The following DMD variants were observed in gnomAD, a reference collection of about 807,000 sequenced individuals.
DMD encodes dystrophin, also known as mutant dystrophin.
DMD carries 63 observed loss-of-function variants against 330.1 expected under a neutral mutation model. The ratio of observed to expected loss-of-function variants is 0.19; its 90% CI spans 0.16 to 0.24. DMD has a LOEUF of 0.24. Among genes scored for constraint, DMD ranks in the 10% least tolerant of loss-of-function variants. The probability of loss-of-function intolerance (pLI) is 1.00; values close to 1 mark genes in which losing one functional copy is unlikely to be tolerated. For missense variants in DMD, 3,344 were observed against 2,684.1 expected (o/e 1.25, Z -5.43); for synonymous variants, 1,223 against 959.8 (o/e 1.27, Z -5.07).
chrX:32,740,416 G>A (rs181260078), intron 7 of DMD, among the ~76,000 whole-genome samples: 11 of 110,271 alleles, frequency 1.0e-4, no homozygotes, highest in Admixed American at 8.8e-4. Context: ...CTATGGAAGA[G>A]GAAAACATGG....
intron 49 of DMD, 147 bp downstream of exon 49, chrX:31,836,571 G>C: frequency 1.9e-6 from 1 of 519,943 alleles, no homozygotes; most frequent in Non-Finnish European, 3.4e-6. Context: ...CAAAAAGACA[G>C]CTTTGCCTCT....
At chrX:31,530,647 C>CTTTTTTTTTTTTTTTTTTTTTTTTTTT (rs1192286078) in intron 55 of DMD, among the ~76,000 whole-genome samples, 9 of 49,843 alleles carry the variant, frequency 1.8e-4, no homozygotes, top group South Asian at 1.5e-3. Context: ...ACTGGTTTCT[C>CTTTTTTTTTTTTTTTTTTTTTTTTTTT]TTTTTTTTTT....
intron 1 of DMD, among the ~76,000 whole-genome samples, chrX:33,234,308 G>A (rs1355112537): frequency 9.0e-6 from 1 of 111,472 alleles, no homozygotes; most frequent in Non-Finnish European, 1.9e-5. Context: ...AGCATGCAAC[G>A]GTTAGGATCA....
At chrX:31,515,695 C>T (rs1392285915) in intron 55 of DMD, among the ~76,000 whole-genome samples, 3 of 111,932 alleles carry the variant, frequency 2.7e-5, no homozygotes, top group Non-Finnish European at 5.6e-5. Flanking sequence ...CATGGGCATG[C>T]ATAATTGACC....
chrX:33,020,255 T>C (rs1419133330), intron 1 of DMD, 55 bp from the exon 2 acceptor site: 1 of 867,187 alleles, frequency 1.2e-6, no homozygotes, highest in African/African-American at 2.0e-5. Context: ...ATATAATTCA[T>C]ATTTTACAAC....
intron 62 of DMD, among the ~76,000 whole-genome samples, chrX:31,305,113 T>G (rs2054929224): frequency 8.9e-6 from 1 of 111,947 alleles, no homozygotes; most frequent in African/African-American, 3.2e-5. Context: ...TTTAAAAAAT[T>G]ATTTATTTCA....
At position 32,491,319 on chromosome X, in the gene DMD, T is replaced by A; in HGVS notation, c.2580A>T (p.Pro860=). The part of the protein sequence containing the change: ...ENWLKIQPTT[P]SEPTAIKSQL... ...GACTTTTAATTGCTGTTGGCTCTGATGGGGTGGTGGGTTGGATTTTCAACC... is the reference window on the plus strand; with the variant it reads ...GACTTTTAATTGCTGTTGGCTCTGAAGGGGTGGTGGGTTGGATTTTCAACC... Residue 860 remains proline (P), a synonymous_variant, in exon 20 of 79, where the codon CCA becomes CCT. Coordinates refer to ENST00000357033, the MANE Select transcript of DMD (RefSeq NM_004006.3). The A allele has an allele frequency of 3.3e-6, 4 of 1,211,482 alleles. No homozygotes were observed. The highest frequency in any genetic ancestry group is 4.5e-6 in the Non-Finnish European group (4 of 895,211).
At chrX:33,108,881 A>AAAAAAAAAAAAAAAAAAAAAG (rs1201118214) in intron 1 of DMD, among the ~76,000 whole-genome samples, 6 of 99,653 alleles carry the variant, frequency 6.0e-5, no homozygotes, top group Non-Finnish European at 1.2e-4. Flanking sequence ...AAAAAAAAAA[A>AAAAAAAAAAAAAAAAAAAAAG]AAGAAGAAGA....
intron 44 of DMD, among the ~76,000 whole-genome samples, chrX:31,994,118 C>T (rs2095568379): frequency 9.0e-6 from 1 of 111,613 alleles, no homozygotes; most frequent in African/African-American, 3.3e-5. Flanking sequence ...ACACCCAAAA[C>T]GCCAACTGTT....
At chrX:32,833,333 A>G (rs2079309679) in intron 4 of DMD, among the ~76,000 whole-genome samples, 1 of 111,071 alleles carries the variant, frequency 9.0e-6, no homozygotes, top group Non-Finnish European at 1.9e-5. Flanking sequence ...TGAACATTTA[A>G]TGGCATGAAA....
intron 47 of DMD, among the ~76,000 whole-genome samples, chrX:31,899,317 C>T (rs2094390745): frequency 1.0e-5 from 1 of 99,609 alleles, no homozygotes; most frequent in Admixed American, 1.2e-4. Flanking sequence ...AACTGACGAT[C>T]TAGTCTTTTG....
intron 1 of DMD, among the ~76,000 whole-genome samples, chrX:33,243,674 T>C (rs1339722352): frequency 1.8e-5 from 2 of 112,253 alleles, no homozygotes; most frequent in Non-Finnish European, 3.8e-5. Flanking sequence ...GAAAATGTGG[T>C]ATATATACAC....
Position 31,822,655 on chromosome X carries a change from T to TGTGTGTGTGTGTGG in DMD, c.7201-2573_7201-2572insCCACACACACACAC, listed in dbSNP as rs2092795251. Among the ~76,000 whole-genome samples, 6 of 60,730 alleles carry TGTGTGTGTGTGTGG rather than the reference T, an allele frequency of 9.9e-5. No homozygotes were observed. The South Asian group carries it at 2.1e-3, about 21-fold the overall frequency. 52.7% of individuals were successfully genotyped at this position (60,730 alleles called of 115,157 possible). A position where few individuals can be genotyped will look rare whatever the true frequency, so the allele number is the denominator to read the frequency against. ...GGCCATACAGAAAAAGGCAGAGGGG[T>TGTGTGTGTGTGTGG]GTGTGTGTGTGTGTGTGTGTGTGTG... On this transcript the variant is annotated intron_variant, in intron 49 of 78. Coordinates refer to ENST00000357033, the MANE Select transcript of DMD (RefSeq NM_004006.3).
intron 25 of DMD, among the ~76,000 whole-genome samples, chrX:32,456,592 G>A (rs2098359346): frequency 9.9e-6 from 1 of 101,516 alleles, no homozygotes. Flanking sequence ...GTGTGTGTGT[G>A]TGTGTGTGTG....
chrX:31,657,881 C>T lies in DMD; in HGVS notation c.8027+109G>A. On this transcript the variant is annotated intron_variant, in intron 54 of 78. Transcript: ENST00000357033. ...GTTGGTATTTATCGTCTTGAACCCT[C>T]CCAAGCTCCAGTTTAGCTGGATTGG... is the stretch of plus-strand genomic sequence containing the variant. 3.5e-6 allele frequency: 3 copies of T among 863,658 alleles called. No individual in the cohort carries two copies. In the East Asian group the frequency reaches 9.5e-5, roughly 27 times the overall value. The allele number at this position is 863,658 out of a possible 1,213,427, so 71.2% of individuals were successfully genotyped here.
intron 45 of DMD, among the ~76,000 whole-genome samples, chrX:31,935,782 A>ACC (rs11441612): frequency 9.1e-6 from 1 of 109,384 alleles, no homozygotes; most frequent in Non-Finnish European, 1.9e-5. Context: ...AAAACCCCAA[A>ACC]CCCCCCAAAC....
intron 9 of DMD, among the ~76,000 whole-genome samples, chrX:32,679,624 T>A (rs1182110412): frequency 1.8e-5 from 2 of 110,707 alleles, no homozygotes; most frequent in Admixed American, 9.7e-5. Context: ...GTCAAAGATC[T>A]CTAAAGATGG....
In DMD at chrX:32,556,308, A is replaced by G. The variant is rs1450981865; in HGVS notation, c.1992+9394T>C. The stretch of plus-strand genomic sequence containing the variant: ...AGAATGGTTACTATTAAAAAGTCAA[A>G]GAACAATAGATGCTGGTGAGGTTGT... On this transcript the variant is annotated intron_variant, in intron 16 of 78. Coordinates refer to ENST00000357033, the MANE Select transcript of DMD (RefSeq NM_004006.3). Among the ~76,000 whole-genome samples, 3 of 111,321 alleles carry G rather than the reference A, an allele frequency of 2.7e-5. No individual in the cohort carries two copies. In the East Asian group the frequency reaches 8.5e-4, roughly 31 times the overall value.
chrX:31,643,155 T>C (rs1316942058), intron 54 of DMD, among the ~76,000 whole-genome samples: 1 of 111,622 alleles, frequency 9.0e-6, no homozygotes, highest in Non-Finnish European at 1.9e-5. Flanking sequence ...TAAATGTCAA[T>C]AGGAAAAATT....
Sources: allele counts gnomAD v4.1 joint callset (sites outside exome capture counted in the v4.1 genomes callset), GRCh38; gene constraint gnomAD v4.1.1; transcripts MANE v1.5; gene names NCBI Gene and HGNC (gene_info 2026-07-23, HGNC 2026-07-21).